The following CGNL1 variants were observed in gnomAD, a reference collection of about 807,000 sequenced individuals.
CGNL1 encodes the protein cingulin like 1.
In CGNL1, 132 loss-of-function variants were observed where a neutral mutation model predicts 141.2. The observed-to-expected ratio is 0.93, with a 90% CI of 0.81 to 1.08. CGNL1 has a LOEUF of 1.08. Among genes scored for constraint, CGNL1 ranks in the 50% least tolerant of loss-of-function variants. The pLI, the probability that CGNL1 is intolerant of heterozygous loss-of-function variation, is 0.00. For missense variants in CGNL1, 1,870 were observed against 1,588.6 expected (o/e 1.18, Z -3.01); for synonymous variants, 690 against 622.1 (o/e 1.11, Z -1.63).
At chr15:57,381,705 AT>A in intron 1 of CGNL1, among the ~76,000 whole-genome samples, 1 of 152,266 alleles carries the variant, frequency 6.6e-6, no homozygotes, top group Non-Finnish European at 1.5e-5. Context: ...TGCCTTGTTT[AT>A]TTTTTAACAT....
chr15:57,523,702 C>T (rs372456741), intron 11 of CGNL1, 61 bp downstream of exon 11: 51 of 1,569,868 alleles, frequency 3.2e-5, no homozygotes, highest in African/African-American at 2.3e-4. Flanking sequence ...ACCCAGTCCC[C>T]TCTGAGGGTC....
intron 1 of CGNL1, among the ~76,000 whole-genome samples, chr15:57,416,988 C>T (rs747807000): frequency 2.6e-4 from 39 of 152,152 alleles, no homozygotes; most frequent in Non-Finnish European, 4.3e-4. Context: ...TTGATGACTT[C>T]TGATTCTGCT....
intron 3 of CGNL1, 72 bp from the exon 4 acceptor site, chr15:57,442,301 G>A: frequency 1.1e-6 from 1 of 896,614 alleles, no homozygotes; most frequent in Admixed American, 1.9e-5. Flanking sequence ...TTGGGTGTGT[G>A]TCATGACATA....
intron 8 of CGNL1, among the ~76,000 whole-genome samples, chr15:57,506,196 C>G (rs958079494): frequency 9.2e-5 from 14 of 152,214 alleles, no homozygotes; most frequent in Admixed American, 1.3e-4. Flanking sequence ...CCGGTTCCCA[C>G]CCCCCAATAT....
At chr15:57,453,188 C>T (rs763209265) in intron 6 of CGNL1, among the ~76,000 whole-genome samples, 24 of 152,000 alleles carry the variant, frequency 1.6e-4, no homozygotes, top group Non-Finnish European at 2.4e-4. Context: ...GCCATTGTGT[C>T]GTGAAATGAA....
intron 14 of CGNL1, among the ~76,000 whole-genome samples, chr15:57,536,141 G>A (rs549088693): frequency 5.1e-4 from 78 of 152,332 alleles, no homozygotes; most frequent in Middle Eastern, 3.4e-3. Flanking sequence ...GCAAAAGAGT[G>A]TGTGTAGGGG....
intron 8 of CGNL1, among the ~76,000 whole-genome samples, chr15:57,474,924 G>A (rs952468935): frequency 6.6e-6 from 1 of 152,216 alleles, no homozygotes; most frequent in Non-Finnish European, 1.5e-5. Context: ...TCAAGAAGAA[G>A]TCCTAAGTTT....
intron 8 of CGNL1, among the ~76,000 whole-genome samples, chr15:57,465,768 C>T (rs1448326315): frequency 6.6e-6 from 1 of 152,156 alleles, no homozygotes; most frequent in Non-Finnish European, 1.5e-5. Flanking sequence ...TTACCACTGC[C>T]CCAGTGTCAA....
In CGNL1 at chr15:57,475,492, GGTGTGTGTGTGTGT is replaced by G. The variant is rs72168222; in HGVS notation, c.2403+13631_2403+13644del. On this transcript the variant is annotated intron_variant, in intron 8 of 18. Coordinates refer to ENST00000281282, the MANE Select transcript of CGNL1 (RefSeq NM_032866.5). ...CTGGGATCTATGTATATACAAGTGT[GGTGTGTGTGTGTGT>G]GTGTGTGTGTGTGTGTGTGTGTGTG... 8.2e-3 allele frequency among the ~76,000 whole-genome samples: 1,213 copies of G among 147,894 alleles called. 12 individuals are homozygous for G. The highest frequency in any genetic ancestry group is 0.027 in the African/African-American group (1,070 of 39,678).
At chr15:57,377,738 G>T (rs1022776440) in intron 1 of CGNL1, among the ~76,000 whole-genome samples, 1 of 152,212 alleles carries the variant, frequency 6.6e-6, no homozygotes, top group Admixed American at 6.5e-5. Flanking sequence ...CATTAGAACC[G>T]AGCAGTCCTT....
chr15:57,459,569 G>A (rs181591899), intron 7 of CGNL1, among the ~76,000 whole-genome samples: 17 of 152,300 alleles, frequency 1.1e-4, no homozygotes, highest in Admixed American at 9.2e-4. Flanking sequence ...CCGGACTGAA[G>A]ATGCTGCGTG....
intron 1 of CGNL1, among the ~76,000 whole-genome samples, chr15:57,386,122 G>C (rs193090678): frequency 7.2e-5 from 11 of 152,332 alleles, no homozygotes; most frequent in Non-Finnish European, 1.5e-4. Context: ...CATTAAACAT[G>C]ACTTAACTTC....
At chr15:57,510,160 T>C (rs186748061) in intron 8 of CGNL1, among the ~76,000 whole-genome samples, 1 of 152,286 alleles carries the variant, frequency 6.6e-6, no homozygotes, top group East Asian at 1.9e-4. Context: ...CGGTAAGCTG[T>C]GTGAAGTCCT....
chr15:57,386,752 C>T (rs1039932512), intron 1 of CGNL1, among the ~76,000 whole-genome samples: 2 of 152,110 alleles, frequency 1.3e-5, no homozygotes, highest in South Asian at 2.1e-4. Flanking sequence ...AGCGACTGGT[C>T]CTTGTGAGGT....
intron 9 of CGNL1, among the ~76,000 whole-genome samples, chr15:57,517,282 C>A (rs540835599): frequency 6.6e-6 from 1 of 152,224 alleles, no homozygotes; most frequent in African/African-American, 2.4e-5. Flanking sequence ...CAGGCATCCA[C>A]CTGAAAGGGC....
chr15:57,393,287 A>G (rs1216210805), intron 1 of CGNL1, among the ~76,000 whole-genome samples: 1 of 152,202 alleles, frequency 6.6e-6, no homozygotes, highest in African/African-American at 2.4e-5. Flanking sequence ...TTATTCAGAC[A>G]ATGATAATAT....
At chr15:57,414,490 A>C (rs1358012429) in intron 1 of CGNL1, among the ~76,000 whole-genome samples, 1 of 152,196 alleles carries the variant, frequency 6.6e-6, no homozygotes, top group Non-Finnish European at 1.5e-5. Context: ...GAAGAGACAG[A>C]CTTTTGAGAT....
At chr15:57,388,058 C>A (rs1324721767) in intron 1 of CGNL1, among the ~76,000 whole-genome samples, 1 of 152,218 alleles carries the variant, frequency 6.6e-6, no homozygotes, top group Non-Finnish European at 1.5e-5. Context: ...ATTTCCCTAC[C>A]TGGGAAGGGC....
At chr15:57,401,301 G>A (rs2152250846) in intron 1 of CGNL1, among the ~76,000 whole-genome samples, 1 of 152,262 alleles carries the variant, frequency 6.6e-6, no homozygotes. Context: ...TCTGTTCAGA[G>A]TTAATTACTG....
Sources: allele counts gnomAD v4.1 joint callset (sites outside exome capture counted in the v4.1 genomes callset), GRCh38; gene constraint gnomAD v4.1.1; transcripts MANE v1.5; gene names NCBI Gene and HGNC (gene_info 2026-07-23, HGNC 2026-07-21).